The following ANXA11 variants were observed in gnomAD, a reference collection of about 807,000 sequenced individuals.
The protein encoded by ANXA11 is 56 kDa autoantigen.
In ANXA11, 57 loss-of-function variants were observed where a neutral mutation model predicts 64.7. The observed-to-expected ratio is 0.88, with a 90% CI of 0.71 to 1.10. The LOEUF (loss-of-function observed/expected upper bound fraction) is 1.10, where lower values mean the gene tolerates loss of function less well. Among genes scored for constraint, ANXA11 ranks in the 50% least tolerant of loss-of-function variants. ANXA11 has a pLI of 0.00. For missense variants in ANXA11, 675 were observed against 670.7 expected, an observed-to-expected ratio of 1.01 and a Z score of -0.07; for synonymous variants, 260 against 265.2, an observed-to-expected ratio of 0.98 and a Z score of 0.19.
rs1840639216 is a variant in ANXA11, at chr10:80,205,511, AGCCGTCAGCG to A, written c.-236_-227del. On this transcript the variant is annotated 5_prime_UTR_variant, in exon 1 of 16. Transcript: ENST00000422982. The stretch of plus-strand genomic sequence containing the variant: ...GGCACTGGGGAGCCGCGGGCGCAGC[AGCCGTCAGCG>A]CCGGGCGGAAAACTCCGCGGGCGCG... 6.6e-6 allele frequency: 1 copy of A among 151,850 alleles called. No homozygotes were observed. Among genetic ancestry groups the A allele is most frequent in the African/African-American group, 2.4e-5 (1 of 41,330 alleles). The allele number at this position is 151,850 out of a possible 1,614,324, so 9.4% of individuals were successfully genotyped here.
Position 80,169,294 on chromosome 10 carries a change from C to A in ANXA11, c.236G>T (p.Gly79Val). Residue 79 changes from glycine to valine, a missense_variant, in exon 5 of 16, where the codon GGG becomes GTG. By Grantham distance (109) the Gly-to-Val change is moderately radical. Transcript: ENST00000422982. ...NMPNLYPGAP[G>V]AGYPPVPPGG... ...AGGGGGCACTGGTGGGTAGCCAGCCCCAGGGGCCCCAGGGTACAGGTTGGG... is the reference window on the plus strand; with the variant it reads ...AGGGGGCACTGGTGGGTAGCCAGCCACAGGGGCCCCAGGGTACAGGTTGGG... 6.2e-7 allele frequency: 1 copy of A among 1,610,940 alleles called. No individual in the cohort carries two copies. The highest frequency in any genetic ancestry group is 8.5e-7 in the Non-Finnish European group (1 of 1,179,728).
At chr10:80,194,719 T>C (rs1316875237) in intron 1 of ANXA11, among the ~76,000 whole-genome samples, 2 of 152,156 alleles carry the variant, frequency 1.3e-5, no homozygotes, top group African/African-American at 2.4e-5. Context: ...CTGGGGCTCC[T>C]GAAGGTTTTG....
At chr10:80,175,976 C>G (rs1453654084) in intron 2 of ANXA11, 131 bp downstream of exon 2, 1 of 152,192 alleles carries the variant, frequency 6.6e-6, no homozygotes, top group East Asian at 1.9e-4. Context: ...ATGGCTGGAA[C>G]CTGGGAGGCG....
chr10:80,166,940 TG>T lies in ANXA11; in HGVS notation c.693del (p.Asn232ThrfsTer19). 6.2e-7 allele frequency: 1 copy of T among 1,609,650 alleles called. No individual in the cohort carries two copies. Among genetic ancestry groups the T allele is most frequent in the Non-Finnish European group, 8.5e-7 (1 of 1,178,468 alleles). On this transcript the variant is annotated frameshift_variant, in exon 7 of 16. Transcript: ENST00000422982. LOFTEE classifies it high-confidence loss of function. The part of the protein sequence containing the change: ...QAIIDCLGSR[S>X]NKQRQQILLS... The stretch of plus-strand genomic sequence containing the variant: ...AGTAGGATCTGCTGCCGCTGCTTGT[TG>T]GAGCGACTCCCCAGGCAGTCAATGA...
intron 15 of ANXA11, among the ~76,000 whole-genome samples, chr10:80,156,135 T>A (rs898322534): frequency 6.6e-6 from 1 of 152,208 alleles, no homozygotes; most frequent in Non-Finnish European, 1.5e-5. Flanking sequence ...TCACCCCAGC[T>A]ATCCACATCA....
At chr10:80,182,654 G>A (rs1364461198) in intron 1 of ANXA11, among the ~76,000 whole-genome samples, 2 of 152,024 alleles carry the variant, frequency 1.3e-5, no homozygotes, top group East Asian at 1.9e-4. Flanking sequence ...TTTGAACCCC[G>A]CATGCATTAG....
At chr10:80,184,537 T>TGA (rs558075909) in intron 1 of ANXA11, among the ~76,000 whole-genome samples, 112 of 152,090 alleles carry the variant, frequency 7.4e-4, no homozygotes, top group African/African-American at 2.5e-3. Context: ...TGTGTGTGTG[T>TGA]GAGAGAGAGA....
intron 1 of ANXA11, among the ~76,000 whole-genome samples, chr10:80,193,132 G>A (rs1378678230): frequency 6.6e-6 from 1 of 152,186 alleles, no homozygotes; most frequent in Admixed American, 6.5e-5. Context: ...GCATCCACCT[G>A]AGGAATATTG....
At chr10:80,162,208 G>T (rs74518229) in intron 11 of ANXA11, among the ~76,000 whole-genome samples, 180 bp from the exon 12 acceptor site, 1 of 152,194 alleles carries the variant, frequency 6.6e-6, no homozygotes, top group East Asian at 1.9e-4. Flanking sequence ...CCCTGAAAAA[G>T]AGCAGAAAGC....
intron 1 of ANXA11, among the ~76,000 whole-genome samples, chr10:80,181,813 C>T (rs958792241): frequency 1.3e-5 from 2 of 152,168 alleles, no homozygotes; most frequent in Non-Finnish European, 2.9e-5. Flanking sequence ...TACAGAGCAA[C>T]GGGAACTTTC....
intron 1 of ANXA11, among the ~76,000 whole-genome samples, chr10:80,203,071 CA>C (rs1194936399): frequency 1.3e-5 from 2 of 148,738 alleles, no homozygotes; most frequent in Non-Finnish European, 3.0e-5. Context: ...AAAAAGACAG[CA>C]GAAGAAGAGG....
At chr10:80,171,219 C>A in intron 3 of ANXA11, 1 of 1,247,728 alleles carries the variant, frequency 8.0e-7, no homozygotes. Context: ...CTCCCAAGTT[C>A]ACCATCATGG....
At chr10:80,171,420 T>A (rs1365177001) in intron 3 of ANXA11, 5 of 377,128 alleles carry the variant, frequency 1.3e-5, no homozygotes, top group East Asian at 3.3e-4. Context: ...TGGGGCTGGG[T>A]CATGGTAAAC....
chr10:80,187,569 ACTCT>A lies in ANXA11; in HGVS notation c.-57-11418_-57-11415del, dbSNP rs796909130. 1.1e-3 allele frequency among the ~76,000 whole-genome samples: 129 copies of A among 118,878 alleles called. 3 individuals carry two copies. Among genetic ancestry groups the A allele is most frequent in the African/African-American group, 3.6e-3 (122 of 34,076 alleles). The allele number at this position is 118,878 out of a possible 152,430, so 78.0% of individuals were successfully genotyped here. A position where few individuals can be genotyped will look rare whatever the true frequency, so the allele number is the denominator to read the frequency against. ...TGCACACACACACACACACACACACACTCTCTCTCTCTCTCACACACTCCCAAAA... is the reference window on the plus strand; with the variant it reads ...TGCACACACACACACACACACACACACTCTCTCTCTCACACACTCCCAAAA... On this transcript the variant is annotated intron_variant, in intron 1 of 15. Coordinates refer to ENST00000422982, the MANE Select transcript of ANXA11 (RefSeq NM_145868.2).
Position 80,172,884 on chromosome 10 carries a change from G to T in ANXA11, c.-8-15C>A. ...CATGGTTAGATCTGGAAGAGAAGAC[G>T]AAAGCACATTCAGGCTCTGCCTGAG... On this transcript the variant is annotated splice_polypyrimidine_tract_variant and intron_variant, in intron 2 of 15. Coordinates refer to ENST00000422982, the MANE Select transcript of ANXA11 (RefSeq NM_145868.2). 6.2e-7 allele frequency: 1 copy of T among 1,613,188 alleles called. No homozygotes were observed. Among genetic ancestry groups the T allele is most frequent in the Non-Finnish European group, 8.5e-7 (1 of 1,179,452 alleles).
In ANXA11 at chr10:80,172,270, G is replaced by A. The variant is rs570357498; in HGVS notation, c.55+537C>T. ...CTACCCACAGCTCCTGCAGAAAACA[G>A]GGAGTGACCTTTGACCCTTAGCATC... On this transcript the variant is annotated intron_variant, in intron 3 of 15. Coordinates refer to ENST00000422982, the MANE Select transcript of ANXA11 (RefSeq NM_145868.2). Among the ~76,000 whole-genome samples, 7 of 152,284 alleles carry A rather than the reference G, an allele frequency of 4.6e-5. No homozygotes were observed. In the East Asian group the frequency reaches 1.4e-3, roughly 29 times the overall value.
intron 8 of ANXA11, 46 bp downstream of exon 8, chr10:80,166,038 G>GAGCA: frequency 1.8e-6 from 1 of 557,396 alleles, no homozygotes; most frequent in South Asian, 2.7e-5. Flanking sequence ...GCGCACACAC[G>GAGCA]CGCGCACACA....
chr10:80,157,527 C>A, intron 15 of ANXA11, 114 bp downstream of exon 15: 5 of 1,502,830 alleles, frequency 3.3e-6, no homozygotes, highest in South Asian at 1.4e-5. Flanking sequence ...GGTCCATAAT[C>A]AAGATGCCCA....
intron 1 of ANXA11, among the ~76,000 whole-genome samples, chr10:80,202,451 A>T (rs966000135): frequency 9.9e-5 from 15 of 152,230 alleles, no homozygotes; most frequent in Non-Finnish European, 2.1e-4. Flanking sequence ...AATGTGTAAC[A>T]GTTTCAGTGG....
Sources: gnomAD v4.1 joint callset for allele counts (sites outside exome capture counted in the v4.1 genomes callset) on GRCh38, gnomAD v4.1.1 for gene constraint, MANE v1.5 for transcripts, NCBI Gene and HGNC (gene_info 2026-07-23, HGNC 2026-07-21) for gene names.